The following PTPRK variants were observed in gnomAD, a reference collection of about 807,000 sequenced individuals.
The protein encoded by PTPRK is receptor-type tyrosine-protein phosphatase kappa.
Under a neutral mutation model 178.0 loss-of-function variants are expected in PTPRK, and 75 were observed. That is an observed-to-expected ratio of 0.42 (90% CI 0.35 to 0.51). PTPRK has a LOEUF of 0.51. Among genes scored for constraint, PTPRK ranks in the 20% least tolerant of loss-of-function variants. The probability of loss-of-function intolerance (pLI) is 0.02; values close to 1 mark genes in which losing one functional copy is unlikely to be tolerated. For synonymous variants in PTPRK, 637 were observed against 620.6 expected, an observed-to-expected ratio of 1.03 and a Z score of -0.39; for missense variants, 1,441 against 1,797.8, an observed-to-expected ratio of 0.80 and a Z score of 3.59.
At chr6:128,437,612 A>G (rs1845761588) in intron 1 of PTPRK, among the ~76,000 whole-genome samples, 2 of 152,344 alleles carry the variant, frequency 1.3e-5, no homozygotes, top group South Asian at 4.1e-4. Context: ...CCAAAGCCTT[A>G]GCGATTATTT....
At chr6:128,205,259 T>G (rs1485158177) in intron 6 of PTPRK, among the ~76,000 whole-genome samples, 1 of 151,972 alleles carries the variant, frequency 6.6e-6, no homozygotes, top group Non-Finnish European at 1.5e-5. Flanking sequence ...TGGGGCCTGT[T>G]GGATGGAAGT....
At chr6:128,300,557 G>T (rs1343249128) in intron 3 of PTPRK, among the ~76,000 whole-genome samples, 1 of 151,960 alleles carries the variant, frequency 6.6e-6, no homozygotes, top group Admixed American at 6.6e-5. Context: ...CATGTCCTTT[G>T]TAGGGACATG....
intron 7 of PTPRK, among the ~76,000 whole-genome samples, chr6:128,175,504 A>T (rs1219154035): frequency 6.6e-6 from 1 of 151,816 alleles, no homozygotes; most frequent in Non-Finnish European, 1.5e-5. Context: ...TATATATCCA[A>T]CAGAATATTA....
rs781387076 is a variant in PTPRK, at chr6:127,985,895, A to G, written c.3097-20T>C. 21 of 1,589,118 alleles carry G rather than the reference A, an allele frequency of 1.3e-5. No individual in the cohort carries two copies. Among genetic ancestry groups the G allele is most frequent in the Non-Finnish European group, 1.7e-5 (20 of 1,160,368 alleles). Reference sequence around the variant, plus strand: ...CCCCCTCTGTGCAAAGATGGAAAGAAATGTTTTCAAAAGCCATTTTAATGG... The same window carrying G: ...CCCCCTCTGTGCAAAGATGGAAAGAGATGTTTTCAAAAGCCATTTTAATGG... On this transcript the variant is annotated intron_variant, in intron 21 of 29. Transcript: ENST00000368226.
chr6:128,425,234 T>G (rs1262324921), intron 1 of PTPRK, among the ~76,000 whole-genome samples: 2 of 152,044 alleles, frequency 1.3e-5, no homozygotes, highest in African/African-American at 2.4e-5. Context: ...TGTGTCACCA[T>G]GCCCAGCTAA....
chr6:128,337,608 A>C (rs1234303222), intron 2 of PTPRK, among the ~76,000 whole-genome samples: 2 of 152,058 alleles, frequency 1.3e-5, no homozygotes, highest in Non-Finnish European at 2.9e-5. Context: ...TGCATTGAAA[A>C]CCCATGAGGA....
intron 3 of PTPRK, among the ~76,000 whole-genome samples, chr6:128,299,835 C>A (rs994949196): frequency 1.3e-5 from 2 of 152,092 alleles, no homozygotes; most frequent in Non-Finnish European, 2.9e-5. Flanking sequence ...GTCTAAAACA[C>A]CAAAAGCAAT....
intron 7 of PTPRK, among the ~76,000 whole-genome samples, chr6:128,183,128 T>C (rs1802207733): frequency 6.6e-6 from 1 of 152,164 alleles, no homozygotes; most frequent in Non-Finnish European, 1.5e-5. Flanking sequence ...CACATTAGCA[T>C]GGGATATTAA....
In PTPRK at chr6:128,082,517, G is replaced by C; in HGVS notation, c.1697C>G (p.Thr566Arg). ...HVFMHLHPGT[T>R]YQFFIRASTV... ...GCTGGCTCTTATGAAAAACTGGTAC[G>C]TGGTTCCAGGGTGGAGATGCATAAA... The change falls in exon 10 of 30, where the codon ACG becomes AGG. Residue 566 changes from threonine to arginine, a missense_variant. Thr to Arg is a moderately conservative substitution (Grantham distance 71). This residue lies in a region of PTPRK where 945 missense variants were observed against 1,080.6 expected (regional missense o/e 0.87). Coordinates refer to ENST00000368226, the MANE Select transcript of PTPRK (RefSeq NM_002844.4). 1.2e-6 allele frequency: 2 copies of C among 1,613,234 alleles called. No homozygotes were observed. The highest frequency in any genetic ancestry group is 1.7e-6 in the Non-Finnish European group (2 of 1,179,346).
intron 1 of PTPRK, among the ~76,000 whole-genome samples, chr6:128,442,288 C>T (rs1846378469): frequency 1.3e-5 from 2 of 152,254 alleles, no homozygotes; most frequent in East Asian, 1.9e-4. Flanking sequence ...CAATTCATTG[C>T]CTACCTCCTT....
At chr6:128,088,888 G>A (rs754766939) in intron 8 of PTPRK, among the ~76,000 whole-genome samples, 2 of 152,138 alleles carry the variant, frequency 1.3e-5, no homozygotes, top group Non-Finnish European at 2.9e-5. Flanking sequence ...GATATGAACT[G>A]TTGCTTGCTT....
At chr6:128,426,923 T>C (rs1488834245) in intron 1 of PTPRK, among the ~76,000 whole-genome samples, 1 of 152,188 alleles carries the variant, frequency 6.6e-6, no homozygotes, top group Non-Finnish European at 1.5e-5. Flanking sequence ...TACTCCTCAA[T>C]TTCAGTCTTT....
At chr6:128,297,358 C>T (rs1824652001) in intron 3 of PTPRK, among the ~76,000 whole-genome samples, 1 of 152,196 alleles carries the variant, frequency 6.6e-6, no homozygotes, top group Admixed American at 6.5e-5. Context: ...TTGAACTCAG[C>T]TCTGCACTAG....
chr6:128,299,856 C>G (rs796757028), intron 3 of PTPRK, among the ~76,000 whole-genome samples: 13,151 of 151,722 alleles, frequency 0.087, 683 homozygotes, highest in African/African-American at 0.14. Context: ...GGCAACAAAA[C>G]CCAAAATTGA....
intron 6 of PTPRK, among the ~76,000 whole-genome samples, chr6:128,218,547 C>T (rs1344221070): frequency 7.2e-5 from 11 of 152,152 alleles, no homozygotes; most frequent in Non-Finnish European, 1.3e-4. Flanking sequence ...TGGACCTTGA[C>T]TTCATTGCCA....
chr6:128,032,082 G>A (rs1775433776), intron 13 of PTPRK, among the ~76,000 whole-genome samples: 1 of 152,178 alleles, frequency 6.6e-6, no homozygotes, highest in Non-Finnish European at 1.5e-5. Flanking sequence ...TGCTGTGTCT[G>A]CTCTGATCGC....
At chr6:128,222,018 C>G (rs534011688) in intron 5 of PTPRK, among the ~76,000 whole-genome samples, 1 of 152,280 alleles carries the variant, frequency 6.6e-6, no homozygotes, top group East Asian at 1.9e-4. Flanking sequence ...CTTCCTCTAG[C>G]TTATCTCTCC....
At chr6:128,145,948 T>C (rs1007398276) in intron 7 of PTPRK, among the ~76,000 whole-genome samples, 1 of 152,234 alleles carries the variant, frequency 6.6e-6, no homozygotes, top group Non-Finnish European at 1.5e-5. Context: ...GAACAGCAGC[T>C]ATATTCTGGA....
intron 6 of PTPRK, among the ~76,000 whole-genome samples, chr6:128,195,865 T>C (rs1804768734): frequency 6.6e-6 from 1 of 152,158 alleles, no homozygotes; most frequent in African/African-American, 2.4e-5. Flanking sequence ...ATTCTCAATA[T>C]ATATTTATTC....
Sources: gnomAD v4.1 joint callset for allele counts (sites outside exome capture counted in the v4.1 genomes callset) on GRCh38, gnomAD v4.1.1 for gene constraint, gnomAD v4.1.1 regional missense constraint, MANE v1.5 for transcripts, NCBI Gene and HGNC (gene_info 2026-07-23, HGNC 2026-07-21) for gene names.